The following DNAH3 variants were observed in gnomAD, a reference collection of about 807,000 sequenced individuals.
The protein encoded by DNAH3 is dynein axonemal heavy chain 3, also known as axonemal beta dynein heavy chain 3.
DNAH3 carries 332 observed loss-of-function variants against 432.5 expected under a neutral mutation model. The ratio of observed to expected loss-of-function variants is 0.77; its 90% CI spans 0.70 to 0.84. The LOEUF (loss-of-function observed/expected upper bound fraction) is 0.84. Among genes scored for constraint, DNAH3 ranks in the 40% least tolerant of loss-of-function variants. The pLI, the probability that DNAH3 is intolerant of heterozygous loss-of-function variation, is 0.00. For synonymous variants in DNAH3, 1,956 were observed against 1,900.2 expected (o/e 1.03, Z -0.76); for missense variants, 4,861 against 5,114.0 (o/e 0.95, Z 1.51).
At chr16:21,111,532 C>A in intron 14 of DNAH3, 94 bp downstream of exon 14, 1 of 1,230,256 alleles carries the variant, frequency 8.1e-7, no homozygotes, top group Non-Finnish European at 1.1e-6. Context: ...AGAAAATAAT[C>A]TGTTCATTGC....
chr16:20,959,383 T>G, exon 54 of DNAH3: 1 of 1,612,684 alleles, frequency 6.2e-7, no homozygotes, highest in Non-Finnish European at 8.5e-7. Context: ...CATACCAAGA[T>G]CATCAGCAAA....
At chr16:20,963,882 G>A (rs767751776) in exon 53 of DNAH3, 2 of 1,613,962 alleles carry the variant, frequency 1.2e-6, no homozygotes, top group African/African-American at 2.7e-5. Context: ...TCGTGCTGTG[G>A]GTCAAGGAAT....
chr16:20,984,162 T>C (rs1000570352), intron 48 of DNAH3, among the ~76,000 whole-genome samples: 56 of 36,768 alleles, frequency 1.5e-3, no homozygotes, highest in African/African-American at 6.8e-3. Context: ...CTTATCCCAA[T>C]GTGTGTGTGT....
chr16:21,148,793 A>G (rs2092818274), intron 1 of DNAH3, among the ~76,000 whole-genome samples: 1 of 152,182 alleles, frequency 6.6e-6, no homozygotes, highest in Admixed American at 6.5e-5. Flanking sequence ...GGGCACACAC[A>G]ACATGAGCAG....
chr16:21,063,507 A>ATATTTTATTT (rs994732981), intron 24 of DNAH3, among the ~76,000 whole-genome samples: 1 of 147,776 alleles, frequency 6.8e-6, no homozygotes, highest in Non-Finnish European at 1.5e-5. Context: ...TTATTATTTT[A>ATATTTTATTT]TATTTTATTT....
At chr16:21,054,584 G>T in intron 27 of DNAH3, 50 bp from the exon 28 acceptor site, 1 of 1,385,544 alleles carries the variant, frequency 7.2e-7, no homozygotes, top group Non-Finnish European at 1.0e-6. Context: ...CTCTCCTCTG[G>T]TAATCCCCAT....
At chr16:21,051,257 A>G (rs937982930) in intron 29 of DNAH3, among the ~76,000 whole-genome samples, 1 of 152,210 alleles carries the variant, frequency 6.6e-6, no homozygotes, top group Non-Finnish European at 1.5e-5. Context: ...GACTTTGCTG[A>G]GCACAGAATG....
exon 53 of DNAH3, chr16:20,964,892 C>T (rs751633033): frequency 2.5e-6 from 4 of 1,614,216 alleles, no homozygotes; most frequent in Non-Finnish European, 3.4e-6. Context: ...AGCAACACGT[C>T]ACCAGTCAGA....
chr16:21,121,098 T>C (rs1290404076), intron 10 of DNAH3: 1 of 613,970 alleles, frequency 1.6e-6, no homozygotes, highest in Non-Finnish European at 3.0e-6. Flanking sequence ...GCATACATAA[T>C]GCATGGAGAG....
At chr16:21,085,720 C>A (rs1166475434) in intron 19 of DNAH3, among the ~76,000 whole-genome samples, 2 of 152,024 alleles carry the variant, frequency 1.3e-5, no homozygotes, top group African/African-American at 4.8e-5. Flanking sequence ...CTAGGGAGAA[C>A]AAAGTGCTCC....
At chr16:20,948,523 G>A (rs2084158972) in exon 57 of DNAH3, 12 of 1,614,020 alleles carry the variant, frequency 7.4e-6, no homozygotes, top group Non-Finnish European at 1.0e-5. Context: ...AGTGTCTCCA[G>A]GAGCGAGGGA....
intron 7 of DNAH3, chr16:21,130,250 C>T (rs1403649027): frequency 3.3e-5 from 5 of 151,074 alleles, no homozygotes; most frequent in Admixed American, 3.3e-4. Flanking sequence ...TAGGATAGAG[C>T]GGCTGGATAA....
chr16:21,127,556 G>C (rs904260966), intron 8 of DNAH3, 131 bp downstream of exon 9: 5 of 1,117,534 alleles, frequency 4.5e-6, no homozygotes, highest in Admixed American at 4.7e-5. Flanking sequence ...AAGAGACTCT[G>C]TCTCAAAAAA....
At chr16:21,003,977 A>G (rs1436758575) in intron 41 of DNAH3, among the ~76,000 whole-genome samples, 3 of 152,168 alleles carry the variant, frequency 2.0e-5, no homozygotes, top group Non-Finnish European at 4.4e-5. Context: ...GACATATACT[A>G]TTTTAAAATA....
chr16:21,108,164 G>A (rs968228501), intron 14 of DNAH3, among the ~76,000 whole-genome samples: 2 of 152,144 alleles, frequency 1.3e-5, no homozygotes, highest in Non-Finnish European at 2.9e-5. Flanking sequence ...AAGCCACTGC[G>A]CCCAGCCCTG....
At position 21,035,627 on chromosome 16, in the gene DNAH3, C is replaced by T. The variant is rs183825734; in HGVS notation, c.5085+1087G>A. On this transcript the variant is annotated intron_variant, in intron 35 of 61. Transcript: ENST00000261383. ...GGTGAGTACATGAATGTTCTGCGTA[C>T]GTTTCGTTCAATTTTTCTGCATGTT... is the stretch of plus-strand genomic sequence containing the variant. 1.1e-4 allele frequency among the ~76,000 whole-genome samples: 17 copies of T among 151,930 alleles called. 2 individuals carry two copies. In the South Asian group the frequency reaches 1.5e-3, roughly 13 times the overall value.
exon 51 of DNAH3, chr16:20,975,362 G>C: frequency 1.9e-6 from 3 of 1,614,204 alleles, no homozygotes; most frequent in Non-Finnish European, 2.5e-6. Flanking sequence ...TTTCCTCGGA[G>C]GTGAGGATGA....
intron 41 of DNAH3, among the ~76,000 whole-genome samples, chr16:21,017,000 TGGA>T (rs1431074960): frequency 6.6e-6 from 1 of 151,654 alleles, no homozygotes; most frequent in Non-Finnish European, 1.5e-5. Context: ...AGGGTAGGGG[TGGA>T]GAAGGGGCTT....
intron 8 of DNAH3, 28 bp downstream of exon 9, chr16:21,127,659 C>CA: frequency 1.2e-6 from 2 of 1,612,650 alleles, no homozygotes; most frequent in Non-Finnish European, 1.7e-6. Flanking sequence ...TACCATGGTG[C>CA]AGCCCCACTT....
Sources: allele counts gnomAD v4.1 joint callset (sites outside exome capture counted in the v4.1 genomes callset), GRCh38; gene constraint gnomAD v4.1.1; transcripts MANE v1.5; gene names NCBI Gene and HGNC (gene_info 2026-07-23, HGNC 2026-07-21).